KCNAB1: variants seen among roughly 807,000 people sequenced by gnomAD.
The protein encoded by KCNAB1 is voltage-gated potassium channel subunit beta-1.
Under a neutral mutation model 64.6 loss-of-function variants are expected in KCNAB1, and 35 were observed. The observed-to-expected ratio is 0.54, with a 90% CI of 0.41 to 0.72. The LOEUF is 0.72. Among genes scored for constraint, KCNAB1 ranks in the 30% least tolerant of loss-of-function variants. The pLI, the probability that KCNAB1 is intolerant of heterozygous loss-of-function variation, is 0.00. For missense variants in KCNAB1, 401 were observed against 512.9 expected (o/e 0.78, Z 2.11); for synonymous variants, 177 against 183.8 (o/e 0.96, Z 0.30).
At chr3:156,261,221 T>G in intron 1 of KCNAB1, among the ~76,000 whole-genome samples, 1 of 152,214 alleles carries the variant, frequency 6.6e-6, no homozygotes, top group Middle Eastern at 3.4e-3. Flanking sequence ...GTAATTGTTT[T>G]ACTTAAAGTA....
intron 1 of KCNAB1, among the ~76,000 whole-genome samples, chr3:156,387,262 C>T (rs764245262): frequency 1.6e-4 from 24 of 151,822 alleles, no homozygotes; most frequent in Non-Finnish European, 2.6e-4. Flanking sequence ...AGGGATTGCC[C>T]GAGGCCAAGC....
chr3:156,160,642 C>A (rs1055080691), intron 1 of KCNAB1, among the ~76,000 whole-genome samples: 2 of 152,174 alleles, frequency 1.3e-5, no homozygotes, highest in Non-Finnish European at 2.9e-5. Flanking sequence ...TCTGGAAGAT[C>A]TGTGCATAGG....
At chr3:156,496,728 T>A (rs1716039346) in intron 8 of KCNAB1, among the ~76,000 whole-genome samples, 1 of 152,162 alleles carries the variant, frequency 6.6e-6, no homozygotes, top group African/African-American at 2.4e-5. Context: ...GATGAATCAT[T>A]CCTTAGCAGA....
rs192681748 is a variant in KCNAB1 at position 156,267,763 on chromosome 3, T to A, written c.275+146877T>A. 2.1e-3 allele frequency among the ~76,000 whole-genome samples: 318 copies of A among 152,266 alleles called. 2 individuals are homozygous for A. The Middle Eastern group carries it at 0.027, about 13-fold the overall frequency. On this transcript the variant is annotated intron_variant, in intron 1 of 13. Transcript: ENST00000490337. ...TTGCTTTTTAATTTTTTTAAAAAAA[T>A]TTTATGGGTACATAGTAGGTGTATA...
intron 1 of KCNAB1, among the ~76,000 whole-genome samples, chr3:156,150,236 A>C (rs1218637729): frequency 6.6e-6 from 1 of 152,120 alleles, no homozygotes; most frequent in Non-Finnish European, 1.5e-5. Context: ...AACAAACAGA[A>C]CGTGTTATTT....
chr3:156,515,865 A>G (rs1042462858), intron 10 of KCNAB1, among the ~76,000 whole-genome samples: 1 of 152,232 alleles, frequency 6.6e-6, no homozygotes. Flanking sequence ...AAAAGGAGAA[A>G]AAGATAAAAC....
chr3:156,265,256 A>G (rs1718631328), intron 1 of KCNAB1, among the ~76,000 whole-genome samples: 1 of 152,222 alleles, frequency 6.6e-6, no homozygotes, highest in Admixed American at 6.5e-5. Flanking sequence ...TAACAAACCC[A>G]TAATTTTTAG....
At chr3:156,486,508 C>T (rs1395292196) in intron 8 of KCNAB1, among the ~76,000 whole-genome samples, 2 of 152,088 alleles carry the variant, frequency 1.3e-5, no homozygotes, top group African/African-American at 2.4e-5. Context: ...AAAACATTAC[C>T]CCCATGACTG....
At chr3:156,458,286 A>T (rs1052095650) in intron 4 of KCNAB1, among the ~76,000 whole-genome samples, 1 of 152,212 alleles carries the variant, frequency 6.6e-6, no homozygotes, top group Non-Finnish European at 1.5e-5. Flanking sequence ...GGTTCAGGCC[A>T]TCCAAGTCCC....
At chr3:156,475,153 T>C (rs1219609738) in intron 8 of KCNAB1, among the ~76,000 whole-genome samples, 1 of 152,230 alleles carries the variant, frequency 6.6e-6, no homozygotes, top group Non-Finnish European at 1.5e-5. Context: ...TCAGCCATCA[T>C]CGCGTCACAG....
At chr3:156,235,292 G>T (rs1186241172) in intron 1 of KCNAB1, among the ~76,000 whole-genome samples, 1 of 152,146 alleles carries the variant, frequency 6.6e-6, no homozygotes, top group African/African-American at 2.4e-5. Context: ...TTCATATCTG[G>T]CATCACAACC....
intron 8 of KCNAB1, among the ~76,000 whole-genome samples, chr3:156,490,494 T>C (rs1021968987): frequency 1.3e-5 from 2 of 152,104 alleles, no homozygotes; most frequent in Non-Finnish European, 2.9e-5. Context: ...CTTGGTGATA[T>C]AAGAGAAGGT....
At chr3:156,141,253 A>G (rs911735484) in intron 1 of KCNAB1, among the ~76,000 whole-genome samples, 3 of 152,132 alleles carry the variant, frequency 2.0e-5, no homozygotes, top group Non-Finnish European at 4.4e-5. Context: ...TTTTTCCAAT[A>G]TTATATGCAC....
chr3:156,139,433 C>T (rs1024854473), intron 1 of KCNAB1, among the ~76,000 whole-genome samples: 1 of 152,180 alleles, frequency 6.6e-6, no homozygotes, highest in East Asian at 1.9e-4. Flanking sequence ...CCTCCGCTGG[C>T]ACCACTGCCT....
intron 1 of KCNAB1, among the ~76,000 whole-genome samples, chr3:156,370,991 C>T (rs1424442887): frequency 1.3e-5 from 2 of 152,178 alleles, no homozygotes; most frequent in East Asian, 3.9e-4. Context: ...AAACTCAAGG[C>T]CTCAATTCCT....
intron 1 of KCNAB1, among the ~76,000 whole-genome samples, chr3:156,121,294 C>G (rs147308072): frequency 5.5e-4 from 83 of 152,140 alleles, no homozygotes; most frequent in African/African-American, 1.9e-3. Flanking sequence ...TTTGTTTTGC[C>G]TGGTTGAAAA....
chr3:156,371,937 A>G (rs1726331420), intron 1 of KCNAB1, among the ~76,000 whole-genome samples: 1 of 152,168 alleles, frequency 6.6e-6, no homozygotes, highest in Non-Finnish European at 1.5e-5. Context: ...TTCCAAACTA[A>G]TTTTATTGTA....
At chr3:156,517,040 G>A (rs912484073) in intron 11 of KCNAB1, among the ~76,000 whole-genome samples, 5 of 152,314 alleles carry the variant, frequency 3.3e-5, no homozygotes, top group South Asian at 4.1e-4. Flanking sequence ...CAACATGCCT[G>A]TTTTTAAAAA....
intron 1 of KCNAB1, among the ~76,000 whole-genome samples, chr3:156,127,244 C>T (rs182698576): frequency 2.3e-3 from 350 of 152,260 alleles, no homozygotes; most frequent in African/African-American, 8.1e-3. Flanking sequence ...CTAAATTATT[C>T]AACCAATATT....
Sources: allele counts gnomAD v4.1 joint callset (sites outside exome capture counted in the v4.1 genomes callset), GRCh38; gene constraint gnomAD v4.1.1; transcripts MANE v1.5; gene names NCBI Gene and HGNC (gene_info 2026-07-23, HGNC 2026-07-21).